CSN3: variants seen among roughly 807,000 people sequenced by gnomAD.
CSN3 encodes kappa-casein.
CSN3 carries 7 observed loss-of-function variants against 9.9 expected under a neutral mutation model. That is an observed-to-expected ratio of 0.71 (90% CI 0.40 to 1.33). The LOEUF is 1.33. Among genes scored for constraint, CSN3 ranks in the 40% most tolerant of loss-of-function variants. The probability of loss-of-function intolerance (pLI) is 0.01; values close to 1 mark genes in which losing one functional copy is unlikely to be tolerated. For missense variants in CSN3, 253 were observed against 227.9 expected (o/e 1.11, Z -0.71); for synonymous variants, 88 against 82.3 (o/e 1.07, Z -0.37).
chr4:70,240,385 C>A (rs1730249417), upstream of CSN3, among the ~76,000 whole-genome samples: 1 of 151,976 alleles, frequency 6.6e-6, no homozygotes, highest in Non-Finnish European at 1.5e-5. Context: ...AAAAGCCCTG[C>A]TGGTTCTCTT....
intron 2 of CSN3, among the ~76,000 whole-genome samples, chr4:70,246,127 C>A (rs941770453): frequency 6.6e-6 from 1 of 151,912 alleles, no homozygotes; most frequent in African/African-American, 2.4e-5. Context: ...CAAATTTATA[C>A]AAATTAAAAC....
chr4:70,243,127 C>T, intron 1 of CSN3: 1 of 848,650 alleles, frequency 1.2e-6, no homozygotes, highest in Non-Finnish European at 1.4e-6. Flanking sequence ...GATAATTCTA[C>T]CATTTCACGA....
At chr4:70,244,905 G>A in intron 2 of CSN3, 32 bp downstream of exon 2, 3 of 1,410,388 alleles carry the variant, frequency 2.1e-6, no homozygotes, top group Non-Finnish European at 2.8e-6. Flanking sequence ...AGATTGTACT[G>A]ACTTTAAGAA....
chr4:70,248,146 T>C (rs1047909216), intron 3 of CSN3, among the ~76,000 whole-genome samples: 2 of 152,202 alleles, frequency 1.3e-5, no homozygotes, highest in African/African-American at 2.4e-5. Context: ...AATGAAAACA[T>C]AAGTAAAGCT....
At chr4:70,245,594 G>A (rs954531365) in intron 2 of CSN3, among the ~76,000 whole-genome samples, 7 of 151,554 alleles carry the variant, frequency 4.6e-5, no homozygotes, top group Non-Finnish European at 1.0e-4. Context: ...TTATTTTCTT[G>A]TTCATCTGGG....
upstream of CSN3, among the ~76,000 whole-genome samples, chr4:70,241,419 C>G (rs1048284676): frequency 6.6e-6 from 1 of 151,978 alleles, no homozygotes; most frequent in African/African-American, 2.4e-5. Context: ...TGCAATACTT[C>G]TAAGAAACAG....
At chr4:70,241,134 G>C (rs1307236175), upstream of CSN3, among the ~76,000 whole-genome samples, 1 of 151,884 alleles carries the variant, frequency 6.6e-6, no homozygotes, top group African/African-American at 2.4e-5. Flanking sequence ...ATGTGAAATA[G>C]AACACCTTCA....
exon 4 of CSN3, chr4:70,249,159 C>T (rs890911996): frequency 6.2e-7 from 1 of 1,614,008 alleles, no homozygotes; most frequent in South Asian, 1.1e-5. Flanking sequence ...ATTATGCAAA[C>T]CCAGCTGTAG....
chr4:70,248,398 T>A (rs1560497231), intron 3 of CSN3, among the ~76,000 whole-genome samples: 1 of 152,158 alleles, frequency 6.6e-6, no homozygotes, highest in Non-Finnish European at 1.5e-5. Flanking sequence ...ATATAGACAA[T>A]TCTTTATCTA....
chr4:70,241,890 G>A (rs1055186392), upstream of CSN3, among the ~76,000 whole-genome samples: 2 of 151,944 alleles, frequency 1.3e-5, no homozygotes, highest in African/African-American at 4.8e-5. Flanking sequence ...ACTATATACT[G>A]ATTAAAATGT....
intron 2 of CSN3, among the ~76,000 whole-genome samples, chr4:70,245,116 T>C (rs1354973416): frequency 6.6e-6 from 1 of 152,080 alleles, no homozygotes; most frequent in African/African-American, 2.4e-5. Context: ...CAGGAAACTT[T>C]TAAAATTCTC....
intron 4 of CSN3, among the ~76,000 whole-genome samples, chr4:70,249,727 A>T (rs116485404): frequency 6.6e-6 from 1 of 152,198 alleles, no homozygotes; most frequent in Non-Finnish European, 1.5e-5. Flanking sequence ...TGGCAACTTC[A>T]TTATCAAACT....
chr4:70,249,609 A>T (rs1335878678), intron 4 of CSN3, 116 bp downstream of exon 4: 1 of 670,132 alleles, frequency 1.5e-6, no homozygotes, highest in Non-Finnish European at 2.5e-6. Context: ...AGAAGCAGAC[A>T]AAACAGGGTA....
chr4:70,244,129 A>T (rs1053177338), intron 1 of CSN3, among the ~76,000 whole-genome samples: 5 of 152,116 alleles, frequency 3.3e-5, no homozygotes, highest in Non-Finnish European at 5.9e-5. Flanking sequence ...CCTCCAAAAA[A>T]TGTATAGTCA....
At chr4:70,247,022 G>A (rs986908919) in intron 2 of CSN3, among the ~76,000 whole-genome samples, 2 of 152,004 alleles carry the variant, frequency 1.3e-5, no homozygotes, top group African/African-American at 4.8e-5. Context: ...TTAAAGAAAA[G>A]CAAGTCTTTG....
upstream of CSN3, among the ~76,000 whole-genome samples, chr4:70,238,813 T>C (rs1016190724): frequency 1.9e-4 from 29 of 151,694 alleles, no homozygotes; most frequent in Non-Finnish European, 4.0e-4. Context: ...AGATGACCTA[T>C]AGGAGTCACC....
At chr4:70,244,744 T>C in intron 1 of CSN3, 68 bp from the exon 2 acceptor site, 1 of 848,420 alleles carries the variant, frequency 1.2e-6, no homozygotes, top group Non-Finnish European at 1.7e-6. Flanking sequence ...AAACATTGTA[T>C]TCAAGTCACT....
intron 2 of CSN3, among the ~76,000 whole-genome samples, chr4:70,246,395 A>T (rs2061988): frequency 0.34 from 51,482 of 151,884 alleles, 9,262 homozygotes; most frequent in Non-Finnish European, 0.4. Context: ...GTTAATCATC[A>T]CTCTGTTTAT....
intron 4 of CSN3, among the ~76,000 whole-genome samples, chr4:70,250,324 T>C (rs527703284): frequency 2.6e-5 from 4 of 152,298 alleles, no homozygotes; most frequent in African/African-American, 7.2e-5. Context: ...GATGTCTACA[T>C]GTTTTATGAT....
Sources: allele counts gnomAD v4.1 joint callset (sites outside exome capture counted in the v4.1 genomes callset), GRCh38; gene constraint gnomAD v4.1.1; transcripts MANE v1.5; gene names NCBI Gene and HGNC (gene_info 2026-07-23, HGNC 2026-07-21).